The following LINGO2 variants were observed in gnomAD, a reference collection of about 807,000 sequenced individuals.
LINGO2 encodes the protein leucine-rich repeat and immunoglobulin-like domain-containing nogo receptor-interacting protein 2.
A neutral mutation model predicts 30.6 loss-of-function variants in LINGO2; 14 were observed. The ratio of observed to expected loss-of-function variants is 0.46; its 90% CI spans 0.30 to 0.72. LINGO2 has a LOEUF of 0.72. Among genes scored for constraint, LINGO2 ranks in the 30% least tolerant of loss-of-function variants. LINGO2 has a pLI of 0.07. For missense variants in LINGO2, 729 were observed against 751.7 expected, an observed-to-expected ratio of 0.97 and a Z score of 0.35; for synonymous variants, 317 against 288.5, an observed-to-expected ratio of 1.10 and a Z score of -1.00.
chr9:28,471,749 C>T (rs1172946457), intron 2 of LINGO2, among the ~76,000 whole-genome samples: 2 of 152,162 alleles, frequency 1.3e-5, no homozygotes, highest in East Asian at 3.9e-4. Context: ...TTTTGGGAAA[C>T]TAGCATCTGT....
At chr9:28,284,050 C>G (rs981994016) in intron 4 of LINGO2, among the ~76,000 whole-genome samples, 1 of 152,094 alleles carries the variant, frequency 6.6e-6, no homozygotes, top group African/African-American at 2.4e-5. Context: ...TTTATCAAAT[C>G]GTTAGCCTCT....
the LINGO2 span, among the ~76,000 whole-genome samples, chr9:29,004,700 C>T: frequency 4.6e-5 from 7 of 152,002 alleles, no homozygotes; most frequent in East Asian, 1.2e-3. Flanking sequence ...ACAGCAATTC[C>T]AGGCAGTTAC....
chr9:28,275,590 A>G (rs1479699277), intron 4 of LINGO2, among the ~76,000 whole-genome samples: 1 of 152,194 alleles, frequency 6.6e-6, no homozygotes, highest in Non-Finnish European at 1.5e-5. Context: ...CTTCTGTCAA[A>G]GAACTAGGCA....
At chr9:28,495,856 G>T (rs1052564463) in intron 1 of LINGO2, among the ~76,000 whole-genome samples, 1 of 152,090 alleles carries the variant, frequency 6.6e-6, no homozygotes, top group African/African-American at 2.4e-5. Context: ...CTGGTATATT[G>T]TGTCTTTGTT....
intron 4 of LINGO2, among the ~76,000 whole-genome samples, chr9:28,056,029 A>T (rs1824924359): frequency 6.6e-6 from 1 of 152,192 alleles, no homozygotes; most frequent in African/African-American, 2.4e-5. Flanking sequence ...ATGAAAACTT[A>T]AGACAAAAGA....
chr9:28,360,915 A>G (rs1424798541), intron 3 of LINGO2, among the ~76,000 whole-genome samples: 1 of 152,178 alleles, frequency 6.6e-6, no homozygotes, highest in East Asian at 1.9e-4. Flanking sequence ...AAAAACAACT[A>G]GATTTAAATA....
the LINGO2 span, among the ~76,000 whole-genome samples, chr9:29,162,763 T>C: frequency 7.8e-3 from 1,184 of 152,278 alleles, 19 homozygotes; most frequent in African/African-American, 0.027. Flanking sequence ...TCAATTTTAA[T>C]ATCAAATCAA....
chr9:29,128,600 G>C, the LINGO2 span, among the ~76,000 whole-genome samples: 2 of 152,018 alleles, frequency 1.3e-5, no homozygotes, highest in African/African-American at 4.8e-5. Flanking sequence ...GTGCTGTTTG[G>C]CCTGAATGTT....
At chr9:28,127,180 G>GT (rs566280951) in intron 4 of LINGO2, among the ~76,000 whole-genome samples, 14 of 152,228 alleles carry the variant, frequency 9.2e-5, no homozygotes, top group Middle Eastern at 6.8e-3. Context: ...AAGTAGAAAC[G>GT]TAAGTCCTTT....
chr9:28,090,401 G>A (rs1218450129), intron 4 of LINGO2, among the ~76,000 whole-genome samples: 2 of 152,148 alleles, frequency 1.3e-5, no homozygotes, highest in Non-Finnish European at 2.9e-5. Flanking sequence ...ATGCAAGGCT[G>A]GTTCAACATA....
the LINGO2 span, among the ~76,000 whole-genome samples, chr9:29,208,187 G>T: frequency 6.6e-6 from 1 of 151,778 alleles, no homozygotes; most frequent in African/African-American, 2.4e-5. Flanking sequence ...AATAATGAAA[G>T]CAAGGGACAG....
chr9:28,741,742 G>T, the LINGO2 span, among the ~76,000 whole-genome samples: 1 of 151,976 alleles, frequency 6.6e-6, no homozygotes, highest in African/African-American at 2.4e-5. Context: ...GGTTGCAAGG[G>T]CTGGCCTGAT....
chr9:28,117,889 G>A (rs1193918455), intron 4 of LINGO2, among the ~76,000 whole-genome samples: 2 of 152,176 alleles, frequency 1.3e-5, no homozygotes, highest in African/African-American at 4.8e-5. Flanking sequence ...TTATTAAAAA[G>A]ACCAGGCTTA....
the LINGO2 span, among the ~76,000 whole-genome samples, chr9:28,767,452 G>A: frequency 6.6e-6 from 1 of 151,992 alleles, no homozygotes; most frequent in South Asian, 2.1e-4. Flanking sequence ...ATCCAAGTAT[G>A]CATCCTTAGA....
At chr9:28,983,953 C>A in the LINGO2 span, among the ~76,000 whole-genome samples, 1 of 152,006 alleles carries the variant, frequency 6.6e-6, no homozygotes, top group Non-Finnish European at 1.5e-5. Context: ...CAATGTCAGT[C>A]AACCAAAATC....
the LINGO2 span, among the ~76,000 whole-genome samples, chr9:28,862,181 C>T: frequency 6.6e-6 from 1 of 151,986 alleles, no homozygotes; most frequent in East Asian, 1.9e-4. Flanking sequence ...AAAGTAGCAC[C>T]CAACAAAAGC....
chr9:28,744,376 C>T, the LINGO2 span, among the ~76,000 whole-genome samples: 1 of 151,846 alleles, frequency 6.6e-6, no homozygotes, highest in East Asian at 1.9e-4. Context: ...TTTTCTTTTG[C>T]CTGCATGGTG....
At chr9:28,405,768 T>A (rs1412232) in intron 2 of LINGO2, among the ~76,000 whole-genome samples, 139,961 of 151,952 alleles carry the variant, frequency 0.92, 64,575 homozygotes, top group East Asian at 1. Context: ...GGCATTTTTA[T>A]CTCTTCCTTC....
At chr9:28,241,267 C>CAAAAA (rs1164724626) in intron 4 of LINGO2, among the ~76,000 whole-genome samples, 1 of 83,606 alleles carries the variant, frequency 1.2e-5, no homozygotes. Flanking sequence ...GACCCTGTCT[C>CAAAAA]AAAAAAAAAA....
Sources: gnomAD v4.1 joint callset for allele counts (sites outside exome capture counted in the v4.1 genomes callset) on GRCh38, gnomAD v4.1.1 for gene constraint, MANE v1.5 for transcripts, NCBI Gene and HGNC (gene_info 2026-07-23, HGNC 2026-07-21) for gene names.